The following OBSL1 variants were observed in gnomAD, a reference collection of about 807,000 sequenced individuals.
The protein encoded by OBSL1 is obscurin-like protein 1.
Under a neutral mutation model 172.0 loss-of-function variants are expected in OBSL1, and 160 were observed. The ratio of observed to expected loss-of-function variants is 0.93; its 90% CI spans 0.82 to 1.06. OBSL1 has a LOEUF of 1.06. OBSL1 is among the 50% of genes least tolerant of loss of function. OBSL1 has a pLI of 0.00. For missense variants in OBSL1, 2,681 were observed against 2,715.4 expected (o/e 0.99, Z 0.28); for synonymous variants, 1,200 against 1,196.3 (o/e 1.00, Z -0.06).
chr2:219,568,201 C>A lies in OBSL1; in HGVS notation c.1136G>T (p.Arg379Leu), dbSNP rs756906456. 6.2e-7 allele frequency: 1 copy of A among 1,613,624 alleles called. No homozygotes were observed. The highest frequency in any genetic ancestry group is 1.1e-5 in the South Asian group (1 of 91,076). Residue 379 changes from arginine to leucine, a missense_variant, in exon 2 of 21, where the codon CGG becomes CTG. By Grantham distance (102) the Arg-to-Leu change is moderately radical. Transcript: ENST00000404537. This position sits in a 1 kb window ranked among gnomAD's most constrained non-coding sequence, Gnocchi z 4.1. ...IPTAWFREDQ[R>L]LLPCRKYEQI... ...CTCGTACTTGCGGCAGGGCAGCAGC[C>A]GCTGGTCCTCACGGAACCAGGCCGT...
Position 219,565,224 on chromosome 2 carries a change from G to C in OBSL1, c.2407+18C>G, listed in dbSNP as rs1258042595. 6.3e-7 allele frequency: 1 copy of C among 1,595,220 alleles called. No homozygotes were observed. The highest frequency in any genetic ancestry group is 1.7e-5 in the Admixed American group (1 of 58,300). ...ATCAGCCTTGGCTGGAGGAGCCCAG[G>C]CTGGCATGCTTCCTGACCTTGGACA... On this transcript the variant is annotated intron_variant, in intron 6 of 20. Transcript: ENST00000404537.
rs1164435906 is a variant in OBSL1, at chr2:219,561,348, G to C, written c.2953+1054C>G. On this transcript the variant is annotated intron_variant, in intron 8 of 20. Coordinates refer to ENST00000404537, the MANE Select transcript of OBSL1 (RefSeq NM_015311.3). The stretch of plus-strand genomic sequence containing the variant: ...GCTGGGCGCTGTGAGCCGTCACCCC[G>C]AGGTCTCCGGCACTGAACCTCCGTC... Among the ~76,000 whole-genome samples the C allele has an allele frequency of 3.3e-5, 5 of 152,200 alleles. No individual in the cohort carries two copies. The South Asian group carries it at 1.0e-3, about 32-fold the overall frequency.
At chr2:219,556,960 A>C in intron 12 of OBSL1, 1 of 530,378 alleles carries the variant, frequency 1.9e-6, no homozygotes, top group Admixed American at 3.3e-5. Context: ...CCCTAATAAT[A>C]TCAATTACCA....
In OBSL1 at chr2:219,567,554, C is replaced by G; in HGVS notation, c.1556G>C (p.Gly519Ala). ...GAACATCTCTGCCAATATGGGGGGT[C>G]CTGGGGGACTGTGCTTGACACCTGA... ...RVKCVKHSPP[G>A]PPILAEMFKG... Residue 519 changes from glycine (G) to alanine (A), a missense_variant, in exon 4 of 21, where the codon GGA becomes GCA. Coordinates refer to ENST00000404537, the MANE Select transcript of OBSL1 (RefSeq NM_015311.3). The G allele has an allele frequency of 6.2e-7, 1 of 1,611,922 alleles. No individual in the cohort carries two copies. Among genetic ancestry groups the G allele is most frequent in the Non-Finnish European group, 8.5e-7 (1 of 1,178,394 alleles).
Position 219,557,902 on chromosome 2 carries a change from T to C in OBSL1, c.3711A>G (p.Pro1237=). Residue 1237 remains proline, a synonymous_variant, in exon 11 of 21, where the codon CCA becomes CCG. Coordinates refer to ENST00000404537, the MANE Select transcript of OBSL1 (RefSeq NM_015311.3). Reference sequence around the variant, plus strand: ...GGCAGGTGTAGAGCCCTGCATGGGCTGGGCCTGCAGCCTGGATGCAGAGGA... The same window carrying C: ...GGCAGGTGTAGAGCCCTGCATGGGCCGGGCCTGCAGCCTGGATGCAGAGGA... ...RRVLCIQAAG[P]AHAGLYTCQS... The C allele has an allele frequency of 6.2e-7, 1 of 1,603,168 alleles. No individual in the cohort carries two copies. Among genetic ancestry groups the C allele is most frequent in the Non-Finnish European group, 8.5e-7 (1 of 1,179,662 alleles).
downstream of OBSL1, among the ~76,000 whole-genome samples, chr2:219,548,411 A>G (rs1161145964): frequency 1.3e-5 from 2 of 152,216 alleles, no homozygotes; most frequent in Non-Finnish European, 2.9e-5. Flanking sequence ...GTAGAGTGAT[A>G]TGACAGAGAC....
In OBSL1 at chr2:219,554,720, G is replaced by A. The variant is rs757409433; in HGVS notation, c.4630C>T (p.Arg1544Trp). ...CTGATGGTCACGTCCTCCAGAGGCC[G>A]CAGCACCCTCAGCTGCCTCGCTGGC... ...SVRPRQLRVL[R>W]PLEDVTISEG... Residue 1544 changes from arginine to tryptophan, a missense_variant, in exon 15 of 21, where the codon CGG (arginine) becomes TGG (tryptophan). Coordinates refer to ENST00000404537, the MANE Select transcript of OBSL1 (RefSeq NM_015311.3). 21 of 1,561,756 alleles carry A rather than the reference G, an allele frequency of 1.3e-5. No homozygotes were observed. The highest frequency in any genetic ancestry group is 3.4e-4 in the Middle Eastern group (2 of 5,944).
At position 219,557,598 on chromosome 2, in the gene OBSL1, C is replaced by G; in HGVS notation, c.3811G>C (p.Ala1271Pro). 1 of 1,544,282 alleles carries G rather than the reference C, an allele frequency of 6.5e-7. No individual in the cohort carries two copies. Among genetic ancestry groups the G allele is most frequent in the Non-Finnish European group, 8.8e-7 (1 of 1,142,426 alleles). Residue 1271 changes from alanine (A) to proline (P), a missense_variant, in exon 12 of 21, where the codon GCT becomes CCT. Ala to Pro is a conservative substitution (Grantham distance 27). This residue lies in a region of OBSL1 where 1,765 missense variants were observed against 1,748.3 expected (regional missense o/e 1.01). Transcript: ENST00000404537. Reference sequence around the variant, plus strand: ...ACCCTCGTCTGGGCTGCCTCGGGAGCTACCACCCGCACAGGGGGCTCTGTG... The same window carrying G: ...ACCCTCGTCTGGGCTGCCTCGGGAGGTACCACCCGCACAGGGGGCTCTGTG... ...QVAEPPVRVV[A>P]PEAAQTRVRS...
In OBSL1 at chr2:219,559,358, C is replaced by G. The variant is rs1696291799; in HGVS notation, c.3093G>C (p.Glu1031Asp). Reference protein sequence around the residue: ...RWYKDGLEVEESEALVLERDG... With the variant: ...RWYKDGLEVEDSEALVLERDG... Reference sequence around the variant, plus strand: ...CCCTCTCCAGCACCAGGGCCTCGCTCTCCTCCACTTCCAGCCCATCCTTGT... The same window carrying G: ...CCCTCTCCAGCACCAGGGCCTCGCTGTCCTCCACTTCCAGCCCATCCTTGT... Residue 1031 changes from glutamate (E) to aspartate (D), a missense_variant, in exon 9 of 21, where the codon GAG (glutamate) becomes GAC (aspartate). By Grantham distance (45) the Glu-to-Asp change is conservative. Transcript: ENST00000404537. 6.2e-7 allele frequency: 1 copy of G among 1,613,952 alleles called. No individual in the cohort carries two copies. The highest frequency in any genetic ancestry group is 8.5e-7 in the Non-Finnish European group (1 of 1,179,874).
At chr2:219,557,115 G>C (rs1468766878) in intron 12 of OBSL1, 2 of 504,044 alleles carry the variant, frequency 4.0e-6, no homozygotes, top group East Asian at 6.2e-5. Flanking sequence ...GCTGGAACCT[G>C]GCTGGGTGGA....
chr2:219,553,652 G>A lies in OBSL1; in HGVS notation c.4911C>T (p.Asp1637=), dbSNP rs779389667. The A allele has an allele frequency of 1.9e-6, 3 of 1,613,812 alleles. No individual in the cohort carries two copies. The African/African-American group carries it at 4.0e-5, about 22-fold the overall frequency. ...CTGTGTCGCCCTCGGTCACCTCTAG[G>A]TCGTGTGGCCCCCGCACGATGGTCA... The part of the protein sequence containing the change: ...VPVTIVRGPH[D]LEVTEGDTAT... The change falls in exon 16 of 21, where the codon GAC becomes GAT. Residue 1637 remains aspartate, a synonymous_variant. Transcript: ENST00000404537.
At position 219,565,405 on chromosome 2, in the gene OBSL1, G is replaced by A; in HGVS notation, c.2244C>T (p.Thr748=). The change falls in exon 6 of 21, where the codon ACC becomes ACT. Residue 748 remains threonine, a synonymous_variant. Transcript: ENST00000404537. The stretch of plus-strand genomic sequence containing the variant: ...CCACCTTCTGCCCATCCTTGTACCA[G>A]GTTGCCGGGAAGTCCACCCTTGAGA... ...CELSRVDFPA[T]WYKDGQKVEE... 2 of 1,614,000 alleles carry A rather than the reference G, an allele frequency of 1.2e-6. No homozygotes were observed. Among genetic ancestry groups the A allele is most frequent in the South Asian group, 1.1e-5 (1 of 91,084 alleles).
rs147092446 is a variant in OBSL1 at position 219,558,604 on chromosome 2, C to T, written c.3227-145G>A. ...AGTCCATGGAGCAGCTGCTGTGTGC[C>T]AGGCACTGTCCTAAGAACCCTGTGT... is the stretch of plus-strand genomic sequence containing the variant. On this transcript the variant is annotated intron_variant, in intron 9 of 20. Transcript: ENST00000404537. 1,233 of 1,008,200 alleles carry T rather than the reference C, an allele frequency of 1.2e-3. 8 individuals are homozygous for T. In the African/African-American group the frequency reaches 0.018, roughly 15 times the overall value. 62.5% of individuals were successfully genotyped at this position (1,008,200 alleles called of 1,614,324 possible).
In OBSL1 at chr2:219,570,874, G is replaced by T; in HGVS notation, c.359C>A (p.Ser120Ter). 7.2e-7 allele frequency: 1 copy of T among 1,388,210 alleles called. No individual in the cohort carries two copies. The highest frequency in any genetic ancestry group is 9.3e-7 in the Non-Finnish European group (1 of 1,072,892). The allele number at this position is 1,388,210 out of a possible 1,614,324, so 86.0% of individuals were successfully genotyped here. Residue 120 changes from serine (S) to a stop codon, truncating the protein, a stop_gained, in exon 1 of 21, where the codon TCG becomes TAG. Coordinates refer to ENST00000404537, the MANE Select transcript of OBSL1 (RefSeq NM_015311.3). LOFTEE classifies it high-confidence loss of function. ...ELQPAERPLP[S>*]PGSGEGAPVF... ...CGGGGCGCCCTCCCCGGACCCCGGC[G>T]ATGGCAGCGGGCGCTCGGCGGGCTG...
Position 219,563,056 on chromosome 2 carries a change from A to G in OBSL1, c.2680+299T>C, listed in dbSNP as rs116031920. ...TGCCCCCCTAGTGCCTGAGACCACC[A>G]GCCCTAGACTCTGCCCTACCCTGCA... is the stretch of plus-strand genomic sequence containing the variant. On this transcript the variant is annotated intron_variant, in intron 7 of 20. Transcript: ENST00000404537. 2.7e-3 allele frequency: 1,276 copies of G among 477,568 alleles called. 8 individuals are homozygous for G. The highest frequency in any genetic ancestry group is 0.021 in the African/African-American group (1,117 of 52,326). The allele number at this position is 477,568 out of a possible 1,614,324, so 29.6% of individuals were successfully genotyped here. A position where few individuals can be genotyped will look rare whatever the true frequency, so the allele number is the denominator to read the frequency against.
chr2:219,562,709 G>A (rs1392326754), intron 7 of OBSL1, 35 bp from the exon 8 acceptor site: 21 of 1,519,230 alleles, frequency 1.4e-5, no homozygotes, highest in Non-Finnish European at 1.8e-5. Context: ...CGGGCATGAG[G>A]GGTGTGCCCT....
At position 219,553,559 on chromosome 2, in the gene OBSL1, G is replaced by C. The variant is rs1239648844; in HGVS notation, c.4989+15C>G. 5 of 1,594,016 alleles carry C rather than the reference G, an allele frequency of 3.1e-6. No homozygotes were observed. In the East Asian group the frequency reaches 1.1e-4, roughly 36 times the overall value. ...TGTTACACTGAAGTGGGCTTGGCTG[G>C]GGCTGGGATCTGACCTTCTCCCAGG... On this transcript the variant is annotated intron_variant, in intron 16 of 20. Transcript: ENST00000404537.
intron 8 of OBSL1, among the ~76,000 whole-genome samples, chr2:219,560,627 G>A (rs1696393111): frequency 6.6e-6 from 1 of 152,136 alleles, no homozygotes; most frequent in Non-Finnish European, 1.5e-5. Flanking sequence ...GTGGGGGCTG[G>A]GGGTGGTTTA....
chr2:219,552,971 C>G lies in OBSL1; in HGVS notation c.5043G>C (p.Thr1681=), dbSNP rs1187626877. Residue 1681 remains threonine (T), a synonymous_variant, in exon 17 of 21, where the codon ACG becomes ACC. Coordinates refer to ENST00000404537, the MANE Select transcript of OBSL1 (RefSeq NM_015311.3). ...SPRLRLQALG[T]RRLLQLRRCG... ...AGCGTCGCAGCTGGAGAAGGCGGCGCGTGCCGAGGGCCTGGAGCCGGAGCC... is the reference window on the plus strand; with the variant it reads ...AGCGTCGCAGCTGGAGAAGGCGGCGGGTGCCGAGGGCCTGGAGCCGGAGCC... 2 of 1,531,462 alleles carry G rather than the reference C, an allele frequency of 1.3e-6. No individual in the cohort carries two copies. Among genetic ancestry groups the G allele is most frequent in the Non-Finnish European group, 1.7e-6 (2 of 1,143,258 alleles). The allele number at this position is 1,531,462 out of a possible 1,614,324, so 94.9% of individuals were successfully genotyped here.
Sources: gnomAD v4.1 joint callset for allele counts (sites outside exome capture counted in the v4.1 genomes callset) on GRCh38, gnomAD v4.1.1 for gene constraint, gnomAD v4.1.1 regional missense constraint, Gnocchi (gnomAD v3.1) non-coding constraint, MANE v1.5 for transcripts, NCBI Gene and HGNC (gene_info 2026-07-23, HGNC 2026-07-21) for gene names.